The following MATCAP2 variants were observed in gnomAD, a reference collection of about 807,000 sequenced individuals.
MATCAP2 encodes putative tyrosine carboxypeptidase MATCAP2.
chr7:36,362,358 G>A, the MATCAP2 span, among the ~76,000 whole-genome samples: 1 of 152,134 alleles, frequency 6.6e-6, no homozygotes, highest in South Asian at 2.1e-4. Flanking sequence ...AAATTTCACA[G>A]CCCCAGGTAA....
At chr7:36,388,451 G>T in the MATCAP2 span, among the ~76,000 whole-genome samples, 1 of 152,108 alleles carries the variant, frequency 6.6e-6, no homozygotes. Context: ...AATTCTTTTT[G>T]TAATGTTGAT....
chr7:36,370,961 A>G, the MATCAP2 span, among the ~76,000 whole-genome samples: 1 of 152,178 alleles, frequency 6.6e-6, no homozygotes, highest in Non-Finnish European at 1.5e-5. Flanking sequence ...TGTATTGTGG[A>G]ACATTTTGAT....
chr7:36,356,787 C>T, the MATCAP2 span: 1 of 910,386 alleles, frequency 1.1e-6, no homozygotes, highest in South Asian at 1.4e-5. Context: ...TGGGAATTAA[C>T]CATAACATAG....
the MATCAP2 span, among the ~76,000 whole-genome samples, chr7:36,365,240 T>C: frequency 6.6e-6 from 1 of 152,232 alleles, no homozygotes; most frequent in African/African-American, 2.4e-5. Flanking sequence ...AATGAAATAA[T>C]GTGCACTGTG....
At chr7:36,344,597 C>T in the MATCAP2 span, among the ~76,000 whole-genome samples, 1 of 152,188 alleles carries the variant, frequency 6.6e-6, no homozygotes. Context: ...CCTGGCCTTT[C>T]TATTCACTAT....
At chr7:36,334,964 G>C in the MATCAP2 span, 1 of 1,355,848 alleles carries the variant, frequency 7.4e-7, no homozygotes, top group South Asian at 1.4e-5. Flanking sequence ...ATACTACTAA[G>C]AAAAAACCCC....
At chr7:36,335,712 G>A in the MATCAP2 span, among the ~76,000 whole-genome samples, 1 of 152,224 alleles carries the variant, frequency 6.6e-6, no homozygotes. Context: ...TAACAGTATT[G>A]AGTAAGAAAT....
At chr7:36,347,403 G>T in the MATCAP2 span, among the ~76,000 whole-genome samples, 1 of 152,144 alleles carries the variant, frequency 6.6e-6, no homozygotes, top group Non-Finnish European at 1.5e-5. Context: ...TTCACTTAAT[G>T]AAAAACTACA....
At chr7:36,375,145 T>C in the MATCAP2 span, among the ~76,000 whole-genome samples, 15 of 152,176 alleles carry the variant, frequency 9.9e-5, no homozygotes, top group Non-Finnish European at 1.6e-4. Flanking sequence ...AACTAGTTTA[T>C]ACTCCCACCA....
chr7:36,369,902 G>A, the MATCAP2 span, among the ~76,000 whole-genome samples: 3 of 152,170 alleles, frequency 2.0e-5, no homozygotes, highest in South Asian at 6.2e-4. Context: ...AGCCTACCTG[G>A]AATATTATAT....
the MATCAP2 span, among the ~76,000 whole-genome samples, chr7:36,385,097 C>A: frequency 2.0e-5 from 3 of 152,084 alleles, no homozygotes; most frequent in South Asian, 2.1e-4. Flanking sequence ...AAAAGATCAG[C>A]AACAACAAAG....
chr7:36,350,409 T>C, the MATCAP2 span, among the ~76,000 whole-genome samples: 1 of 152,206 alleles, frequency 6.6e-6, no homozygotes, highest in African/African-American at 2.4e-5. Context: ...ATACTAATCA[T>C]TGATTCTAAT....
chr7:36,367,125 A>C, the MATCAP2 span: 21 of 1,227,586 alleles, frequency 1.7e-5, no homozygotes, highest in Admixed American at 9.1e-4. Flanking sequence ...ACTGACTGTG[A>C]GCAGCGCTTC....
At chr7:36,343,639 A>C in the MATCAP2 span, among the ~76,000 whole-genome samples, 2 of 17,376 alleles carry the variant, frequency 1.2e-4, no homozygotes, top group Non-Finnish European at 3.9e-4. Context: ...GAAAAGAAAA[A>C]GAAAAAGAAA....
At chr7:36,384,100 G>A in the MATCAP2 span, among the ~76,000 whole-genome samples, 1 of 152,154 alleles carries the variant, frequency 6.6e-6, no homozygotes, top group East Asian at 1.9e-4. Flanking sequence ...TAAATATACA[G>A]CATTTGGAGG....
At chr7:36,333,781 A>G in the MATCAP2 span, 1 of 1,221,632 alleles carries the variant, frequency 8.2e-7, no homozygotes, top group Non-Finnish European at 1.1e-6. Context: ...TTTGTGATTC[A>G]GGGATTAGGA....
At chr7:36,381,947 A>G in the MATCAP2 span, among the ~76,000 whole-genome samples, 1 of 152,260 alleles carries the variant, frequency 6.6e-6, no homozygotes, top group Non-Finnish European at 1.5e-5. Flanking sequence ...TAAATTCATG[A>G]CAGACATCAA....
At chr7:36,328,239 T>TGGTG in the MATCAP2 span, among the ~76,000 whole-genome samples, 186 of 25,248 alleles carry the variant, frequency 7.4e-3, 22 homozygotes, top group Non-Finnish European at 0.013. Context: ...TTTGTTTTTG[T>TGGTG]AGGGGGGGGG....
chr7:36,339,034 C>T, the MATCAP2 span, among the ~76,000 whole-genome samples: 3 of 152,154 alleles, frequency 2.0e-5, no homozygotes, highest in African/African-American at 7.2e-5. Context: ...ATGTATAAAA[C>T]CAAGCTGTAA....
Sources: gnomAD v4.1 joint callset for allele counts (sites outside exome capture counted in the v4.1 genomes callset) on GRCh38, gnomAD v4.1.1 for gene constraint, MANE v1.5 for transcripts, NCBI Gene and HGNC (gene_info 2026-07-23, HGNC 2026-07-21) for gene names.